SORBS2: variants seen among roughly 807,000 people sequenced by gnomAD.
SORBS2 encodes sorbin and SH3 domain-containing protein 2.
A neutral mutation model predicts 97.7 loss-of-function variants in SORBS2; 46 were observed. The ratio of observed to expected loss-of-function variants is 0.47; its 90% confidence interval spans 0.37 to 0.60. The LOEUF (loss-of-function observed/expected upper bound fraction) is 0.60. SORBS2 is among the 20% of genes least tolerant of loss of function. The pLI is 0.00. For missense variants in SORBS2, 1,316 were observed against 1,282.3 expected, an observed-to-expected ratio of 1.03 and a Z score of -0.40; for synonymous variants, 476 against 473.4, an observed-to-expected ratio of 1.01 and a Z score of -0.07.
intron 11 of SORBS2, 168 bp downstream of exon 23, chr4:185,614,663 A>ATT: frequency 1.3e-6 from 1 of 744,686 alleles, no homozygotes; most frequent in South Asian, 2.0e-5. Flanking sequence ...ACCAGCAGGG[A>ATT]ACCGTGACTC....
upstream of SORBS2, chr4:185,657,533 G>A: frequency 1.3e-6 from 2 of 1,582,508 alleles, no homozygotes; most frequent in East Asian, 2.4e-5. Flanking sequence ...TCGGTACAGG[G>A]GGATAGAGCT....
At chr4:185,722,070 G>A (rs1018156001) in intron 2 of SORBS2, among the ~76,000 whole-genome samples, 10 of 152,158 alleles carry the variant, frequency 6.6e-5, no homozygotes, top group African/African-American at 2.4e-4. Context: ...AAAAGGTCGT[G>A]AATTCTGTAA....
chr4:185,871,154 G>C (rs2099230222), intron 1 of SORBS2, among the ~76,000 whole-genome samples: 1 of 152,142 alleles, frequency 6.6e-6, no homozygotes, highest in East Asian at 1.9e-4. Flanking sequence ...TACATGTCAG[G>C]CACTTGACAA....
intron 2 of SORBS2, among the ~76,000 whole-genome samples, chr4:185,768,787 C>T (rs545482552): frequency 9.7e-4 from 147 of 151,484 alleles, no homozygotes; most frequent in Non-Finnish European, 1.7e-3. Context: ...GGGGAGTATG[C>T]AAGGGCGACA....
intron 1 of SORBS2, among the ~76,000 whole-genome samples, chr4:185,810,522 T>G (rs1407423612): frequency 1.3e-5 from 2 of 152,254 alleles, no homozygotes; most frequent in Non-Finnish European, 1.5e-5. Context: ...TCAAAGTTTT[T>G]GACCAAACAT....
chr4:185,901,549 T>A (rs958087229), intron 1 of SORBS2, among the ~76,000 whole-genome samples: 1 of 152,146 alleles, frequency 6.6e-6, no homozygotes, highest in Non-Finnish European at 1.5e-5. Flanking sequence ...AGAAATATTT[T>A]AAAAATATCA....
chr4:185,768,249 GT>G (rs1350363134), intron 2 of SORBS2, among the ~76,000 whole-genome samples: 7 of 152,144 alleles, frequency 4.6e-5, no homozygotes, highest in Admixed American at 4.6e-4. Context: ...AGAATCCCAT[GT>G]TCATTGAAGG....
chr4:185,602,820 C>A (rs377081701), intron 12 of SORBS2, among the ~76,000 whole-genome samples: 1 of 152,138 alleles, frequency 6.6e-6, no homozygotes, highest in East Asian at 1.9e-4. Flanking sequence ...TCAATTTGTA[C>A]TTAAATTTAC....
chr4:185,781,621 AGCCTCCCTTCCATTGCCTCCG>A (rs1440599151), intron 1 of SORBS2, among the ~76,000 whole-genome samples: 1 of 145,970 alleles, frequency 6.9e-6, no homozygotes, highest in African/African-American at 2.5e-5. Context: ...CGGCCCCTCC[AGCCTCCCTTCCATTGCCTCCG>A]GCCTCTCCAG....
At chr4:185,762,285 G>A (rs1302095478) in intron 2 of SORBS2, among the ~76,000 whole-genome samples, 2 of 152,182 alleles carry the variant, frequency 1.3e-5, no homozygotes, top group Non-Finnish European at 2.9e-5. Context: ...TGGAAAGTGA[G>A]TTTTAGACGC....
chr4:185,863,126 G>C (rs370906665), intron 1 of SORBS2, among the ~76,000 whole-genome samples: 3 of 152,136 alleles, frequency 2.0e-5, no homozygotes, highest in Non-Finnish European at 4.4e-5. Context: ...CTAAAGGCAC[G>C]TCCCTCCACC....
intron 1 of SORBS2, among the ~76,000 whole-genome samples, chr4:185,914,011 T>C (rs1227180176): frequency 1.3e-5 from 2 of 152,194 alleles, no homozygotes; most frequent in African/African-American, 4.8e-5. Context: ...ATATGTTCAG[T>C]TATTGACACA....
chr4:185,646,719 A>G, exon 4 of SORBS2: 2 of 1,613,736 alleles, frequency 1.2e-6, no homozygotes, highest in Non-Finnish European at 1.7e-6. Flanking sequence ...ATTCAAAAAT[A>G]CTCCTTGGCT....
intron 1 of SORBS2, among the ~76,000 whole-genome samples, chr4:185,882,192 A>G (rs987598893): frequency 2.0e-5 from 3 of 152,176 alleles, no homozygotes; most frequent in African/African-American, 7.2e-5. Context: ...TTGTCTGCAT[A>G]GAAAATCTCA....
intron 6 of SORBS2, 140 bp from the exon 19 acceptor site, chr4:185,624,634 T>C (rs2153424935): frequency 1.2e-6 from 1 of 854,392 alleles, no homozygotes; most frequent in Non-Finnish European, 1.7e-6. Flanking sequence ...TAGGTGCTGA[T>C]TGTTCACACA....
intron 1 of SORBS2, among the ~76,000 whole-genome samples, chr4:185,924,990 C>G (rs1417238575): frequency 6.6e-6 from 1 of 152,138 alleles, no homozygotes; most frequent in Non-Finnish European, 1.5e-5. Context: ...ATCACTCTGA[C>G]AAGGCTTTTC....
intron 4 of SORBS2, among the ~76,000 whole-genome samples, chr4:185,663,444 C>T (rs770730937): frequency 6.6e-6 from 1 of 152,124 alleles, no homozygotes; most frequent in East Asian, 1.9e-4. Flanking sequence ...CATTACAAGC[C>T]TTGTGCTTAT....
chr4:185,734,329 G>A (rs1259023780), intron 2 of SORBS2, among the ~76,000 whole-genome samples, 175 bp from the exon 3 acceptor site: 1 of 152,160 alleles, frequency 6.6e-6, no homozygotes, highest in Non-Finnish European at 1.5e-5. Flanking sequence ...AGGAAACTGG[G>A]TGGATACTTA....
intron 2 of SORBS2, among the ~76,000 whole-genome samples, chr4:185,685,047 A>T (rs115916380): frequency 0.014 from 2,160 of 152,316 alleles, 53 homozygotes; most frequent in African/African-American, 0.048. Context: ...AAGACCAGGG[A>T]TCTGTCTTAG....
Sources: allele counts gnomAD v4.1 joint callset (sites outside exome capture counted in the v4.1 genomes callset), GRCh38; gene constraint gnomAD v4.1.1; transcripts MANE v1.5; gene names NCBI Gene and HGNC (gene_info 2026-07-23, HGNC 2026-07-21).